The following OSBPL10 variants were observed in gnomAD, a reference collection of about 807,000 sequenced individuals.
The protein encoded by OSBPL10 is oxysterol-binding protein-related protein 10.
Under a neutral mutation model 81.7 loss-of-function variants are expected in OSBPL10, and 49 were observed. The ratio of observed to expected loss-of-function variants is 0.60; its 90% confidence interval spans 0.48 to 0.76. The LOEUF (loss-of-function observed/expected upper bound fraction) is 0.76. OSBPL10 is among the 30% of genes least tolerant of loss of function. The pLI, the probability that OSBPL10 is intolerant of heterozygous loss-of-function variation, is 0.00. For missense variants in OSBPL10, 923 were observed against 987.8 expected, an observed-to-expected ratio of 0.93 and a Z score of 0.88; for synonymous variants, 419 against 383.6, an observed-to-expected ratio of 1.09 and a Z score of -1.08.
intron 1 of OSBPL10, among the ~76,000 whole-genome samples, chr3:31,890,435 T>C (rs1226617356): frequency 6.6e-6 from 1 of 152,040 alleles, no homozygotes; most frequent in African/African-American, 2.4e-5. Flanking sequence ...ATCGAGTTCC[T>C]GCATAATGGG....
intron 1 of OSBPL10, among the ~76,000 whole-genome samples, chr3:31,922,617 TA>T (rs1298633605): frequency 7.4e-5 from 11 of 148,420 alleles, no homozygotes; most frequent in East Asian, 2.0e-4. Flanking sequence ...AAACTCCATC[TA>T]AAAAAAAAAC....
At chr3:31,972,868 T>C (rs1698602501) in intron 1 of OSBPL10, among the ~76,000 whole-genome samples, 1 of 152,158 alleles carries the variant, frequency 6.6e-6, no homozygotes, top group South Asian at 2.1e-4. Flanking sequence ...GAAAAGATTA[T>C]TCATGGTGCA....
chr3:32,040,045 A>G (rs551714886), intron 2 of OSBPL10, among the ~76,000 whole-genome samples: 1 of 152,350 alleles, frequency 6.6e-6, no homozygotes, highest in East Asian at 1.9e-4. Flanking sequence ...CAGTTCGTCA[A>G]TAAGTAAAAC....
chr3:31,684,713 G>C (rs1231116317), intron 7 of OSBPL10, among the ~76,000 whole-genome samples: 1 of 152,216 alleles, frequency 6.6e-6, no homozygotes, highest in East Asian at 1.9e-4. Context: ...TCCAGGACGG[G>C]GCAGGCCCAT....
At chr3:31,896,308 G>C (rs1336162367) in intron 1 of OSBPL10, among the ~76,000 whole-genome samples, 1 of 152,122 alleles carries the variant, frequency 6.6e-6, no homozygotes, top group African/African-American at 2.4e-5. Context: ...TATCCCTTAG[G>C]GGGATCAAAT....
chr3:31,684,005 T>A lies in OSBPL10; in HGVS notation c.1355A>T (p.Glu452Val), dbSNP rs1700727971. 6.2e-7 allele frequency: 1 copy of A among 1,614,050 alleles called. No individual in the cohort carries two copies. Among genetic ancestry groups the A allele is most frequent in the African/African-American group, 1.3e-5 (1 of 74,908 alleles). Reference sequence around the variant, plus strand: ...CTCAACGAAGCAAATGACTCTCTCCTCTGGTGTGGCCCCAGCGGTGATGGC... The same window carrying A: ...CTCAACGAAGCAAATGACTCTCTCCACTGGTGTGGCCCCAGCGGTGATGGC... ...LLAITAGATP[E>V]ERVICFVEYY... Residue 452 changes from glutamate to valine, a missense_variant, in exon 8 of 12, where the codon GAG becomes GTG. Physicochemically the swap from Glu to Val is moderately radical, Grantham distance 121 (BLOSUM62 -2). This residue lies in a region of OSBPL10 where 387 missense variants were observed against 436.3 expected (regional missense o/e 0.89). Transcript: ENST00000396556.
chr3:31,808,447 A>C (rs1203124203), intron 4 of OSBPL10, among the ~76,000 whole-genome samples: 3 of 152,228 alleles, frequency 2.0e-5, no homozygotes, highest in African/African-American at 7.2e-5. Flanking sequence ...CTGTCTAACA[A>C]ATTCAGTTCA....
chr3:31,721,056 C>T (rs192389582), intron 6 of OSBPL10, among the ~76,000 whole-genome samples: 209 of 152,080 alleles, frequency 1.4e-3, no homozygotes, highest in South Asian at 8.1e-3. Flanking sequence ...CACAAGGGCC[C>T]TTAAGAGTGG....
chr3:31,727,919 C>T (rs967088460), intron 6 of OSBPL10, among the ~76,000 whole-genome samples: 1 of 152,172 alleles, frequency 6.6e-6, no homozygotes, highest in African/African-American at 2.4e-5. Context: ...AGATGGACAG[C>T]TTTATGGCTT....
intron 11 of OSBPL10, 101 bp downstream of exon 11, chr3:31,663,978 G>A (rs767429230): frequency 1.9e-6 from 3 of 1,612,210 alleles, no homozygotes. Flanking sequence ...TCCCCTGCCT[G>A]GTATTTATCC....
chr3:32,040,329 C>A (rs547658805), intron 2 of OSBPL10, among the ~76,000 whole-genome samples: 1 of 152,222 alleles, frequency 6.6e-6, no homozygotes, highest in Non-Finnish European at 1.5e-5. Context: ...ATGGCTTGAA[C>A]CTGGGAGGCA....
chr3:31,891,767 T>C (rs1160982471), intron 1 of OSBPL10, among the ~76,000 whole-genome samples: 2 of 152,180 alleles, frequency 1.3e-5, no homozygotes, highest in Non-Finnish European at 2.9e-5. Flanking sequence ...GGTTCTGTGA[T>C]ATGAATAAAG....
chr3:31,745,122 G>A (rs1459913046), intron 5 of OSBPL10, among the ~76,000 whole-genome samples: 1 of 152,228 alleles, frequency 6.6e-6, no homozygotes, highest in African/African-American at 2.4e-5. Context: ...TAGAAAAGCA[G>A]GTTTGGGCGC....
At position 31,897,990 on chromosome 3, in the gene OSBPL10, A is replaced by G. The variant is rs985102956; in HGVS notation, c.282-18160T>C. On this transcript the variant is annotated intron_variant, in intron 1 of 11. Transcript: ENST00000396556. Reference sequence around the variant, plus strand: ...GCCACTGCACCCCAGCTTGGGTGACACAGCGAGAACTCTGTCAAAAAAAAA... The same window carrying G: ...GCCACTGCACCCCAGCTTGGGTGACGCAGCGAGAACTCTGTCAAAAAAAAA... 8.5e-5 allele frequency among the ~76,000 whole-genome samples: 11 copies of G among 129,058 alleles called. No individual in the cohort carries two copies. In the East Asian group the frequency reaches 2.7e-3, roughly 32 times the overall value. The allele number at this position is 129,058 out of a possible 152,430, so 84.7% of individuals were successfully genotyped here. A position where few individuals can be genotyped will look rare whatever the true frequency, so the allele number is the denominator to read the frequency against.
chr3:32,034,238 G>A (rs990397956), intron 2 of OSBPL10, among the ~76,000 whole-genome samples: 4 of 151,914 alleles, frequency 2.6e-5, no homozygotes, highest in African/African-American at 9.7e-5. Flanking sequence ...TTTGGGTGGG[G>A]ACACAGAGCC....
intron 8 of OSBPL10, among the ~76,000 whole-genome samples, chr3:31,673,353 G>T (rs1033737831): frequency 1.3e-5 from 2 of 152,214 alleles, no homozygotes; most frequent in Non-Finnish European, 2.9e-5. Context: ...AAAGCAGGTA[G>T]AAAATTGCAG....
chr3:31,661,089 G>T lies in OSBPL10; in HGVS notation c.*983C>A, dbSNP rs1313986905. ...AAACTGAAATTTAACTGAAACCATG[G>T]AATATTTATGCAGGCGTTATGTATG... On this transcript the variant is annotated 3_prime_UTR_variant, in exon 12 of 12. Coordinates refer to ENST00000396556, the MANE Select transcript of OSBPL10 (RefSeq NM_017784.5). 1 of 152,602 alleles carries T rather than the reference G, an allele frequency of 6.6e-6. No homozygotes were observed. Among genetic ancestry groups the T allele is most frequent in the Non-Finnish European group, 1.5e-5 (1 of 68,036 alleles). The allele number at this position is 152,602 out of a possible 1,614,324, so 9.5% of individuals were successfully genotyped here. A position where few individuals can be genotyped will look rare whatever the true frequency, so the allele number is the denominator to read the frequency against.
Position 31,675,097 on chromosome 3 carries a change from C to T in OSBPL10, c.1727-4114G>A, listed in dbSNP as rs1196767693. Among the ~76,000 whole-genome samples, 3 of 152,266 alleles carry T rather than the reference C, an allele frequency of 2.0e-5. No homozygotes were observed. In the East Asian group the frequency reaches 5.8e-4, roughly 29 times the overall value. On this transcript the variant is annotated intron_variant, in intron 8 of 11. Transcript: ENST00000396556. ...TCCTTCCAGGCGAGCAATATGTCTC[C>T]CTGGCACCATAACCTTGCCCCTGAT...
chr3:31,959,414 A>G (rs767360315), intron 1 of OSBPL10, among the ~76,000 whole-genome samples: 1 of 152,184 alleles, frequency 6.6e-6, no homozygotes. Context: ...TTTTTGCTAT[A>G]TATCAGAGGA....
Sources: allele counts gnomAD v4.1 joint callset (sites outside exome capture counted in the v4.1 genomes callset), GRCh38; gene constraint gnomAD v4.1.1; regional missense constraint gnomAD v4.1.1; transcripts MANE v1.5; gene names NCBI Gene and HGNC (gene_info 2026-07-23, HGNC 2026-07-21).